The following BRINP2 variants were observed in gnomAD, a reference collection of about 807,000 sequenced individuals.
BRINP2 encodes the protein BMP/retinoic acid inducible neural specific 2.
A neutral mutation model predicts 69.2 loss-of-function variants in BRINP2; 21 were observed. That is an observed-to-expected ratio of 0.30 (90% confidence interval 0.22 to 0.44). BRINP2 has a LOEUF of 0.44. Ranked by LOEUF, BRINP2 falls within the 20% of genes least tolerant of loss-of-function variation. BRINP2 has a pLI of 1.00. For synonymous variants in BRINP2, 380 were observed against 394.1 expected, an observed-to-expected ratio of 0.96 and a Z score of 0.42; for missense variants, 877 against 986.0, an observed-to-expected ratio of 0.89 and a Z score of 1.48.
chr1:177,236,934 AC>A (rs1272894152), intron 2 of BRINP2, among the ~76,000 whole-genome samples: 4 of 151,480 alleles, frequency 2.6e-5, no homozygotes, highest in Non-Finnish European at 5.9e-5. Context: ...AAAAAAAAAA[AC>A]TCCCACCTGA....
At chr1:177,280,165 G>A (rs560127568) in intron 7 of BRINP2, among the ~76,000 whole-genome samples, 1 of 152,330 alleles carries the variant, frequency 6.6e-6, no homozygotes, top group African/African-American at 2.4e-5. Flanking sequence ...GGAGAGATGA[G>A]CCTTGTTGCT....
chr1:177,278,721 C>A lies in BRINP2; in HGVS notation c.1171C>A (p.Arg391Ser), dbSNP rs199558595. 1 of 1,614,196 alleles carries A rather than the reference C, an allele frequency of 6.2e-7. No homozygotes were observed. The highest frequency in any genetic ancestry group is 8.5e-7 in the Non-Finnish European group (1 of 1,180,054). Residue 391 changes from arginine to serine, a missense_variant, in exon 7 of 8, where the codon CGC (arginine) becomes AGC (serine). Physicochemically the swap from Arg to Ser is moderately radical, Grantham distance 110 (BLOSUM62 -1). Around this residue, in one of 3 missense-constraint regions of BRINP2, gnomAD observed 566 missense variants for 625.2 expected, o/e 0.91. Coordinates refer to ENST00000361539, the MANE Select transcript of BRINP2 (RefSeq NM_021165.4). ...VLFKKTHRILRRLFNLCKRCH... is the reference protein window; with the variant it reads ...VLFKKTHRILSRLFNLCKRCH... ...GTTCAAAAAGACCCATCGGATCCTACGCCGGCTCTTCAACCTCTGCAAGCG... is the reference window on the plus strand; with the variant it reads ...GTTCAAAAAGACCCATCGGATCCTAAGCCGGCTCTTCAACCTCTGCAAGCG...
intron 1 of BRINP2, among the ~76,000 whole-genome samples, chr1:177,180,555 G>T (rs1216364516): frequency 6.6e-6 from 1 of 152,136 alleles, no homozygotes; most frequent in African/African-American, 2.4e-5. Flanking sequence ...TATTCACAGT[G>T]GTTTTCATCT....
chr1:177,257,696 T>G (rs1650815050), intron 4 of BRINP2, among the ~76,000 whole-genome samples: 1 of 152,052 alleles, frequency 6.6e-6, no homozygotes, highest in African/African-American at 2.4e-5. Flanking sequence ...TAATGATAAA[T>G]AAAGACAAGA....
intron 2 of BRINP2, among the ~76,000 whole-genome samples, chr1:177,248,409 A>G (rs1650455424): frequency 6.6e-6 from 1 of 151,806 alleles, no homozygotes; most frequent in African/African-American, 2.4e-5. Flanking sequence ...CTGTACTTCT[A>G]GATTTCAGCT....
chr1:177,184,669 T>C (rs1333152378), intron 1 of BRINP2, among the ~76,000 whole-genome samples: 6 of 151,726 alleles, frequency 4.0e-5, no homozygotes, highest in East Asian at 3.9e-4. Flanking sequence ...ATCATTTTTT[T>C]CCCCAGATCC....
At chr1:177,277,998 G>A (rs971567508) in intron 6 of BRINP2, among the ~76,000 whole-genome samples, 5 of 152,178 alleles carry the variant, frequency 3.3e-5, no homozygotes, top group Admixed American at 1.3e-4. Context: ...AGCTGAAGCT[G>A]AAAAGAGAAG....
At chr1:177,239,832 T>C (rs956921461) in intron 2 of BRINP2, among the ~76,000 whole-genome samples, 3 of 152,166 alleles carry the variant, frequency 2.0e-5, no homozygotes, top group Admixed American at 2.0e-4. Context: ...TGTTATATGT[T>C]TTGGGGAAGA....
intron 7 of BRINP2, among the ~76,000 whole-genome samples, chr1:177,279,432 T>C (rs1174947466): frequency 6.6e-6 from 1 of 152,226 alleles, no homozygotes; most frequent in African/African-American, 2.4e-5. Context: ...AAACGGATAG[T>C]CTCCTAGAGG....
intron 1 of BRINP2, among the ~76,000 whole-genome samples, chr1:177,175,204 A>G (rs1648051803): frequency 6.6e-6 from 1 of 152,156 alleles, no homozygotes; most frequent in Non-Finnish European, 1.5e-5. Flanking sequence ...GCCCATGTAC[A>G]TAACCTCTTG....
At chr1:177,277,540 T>G (rs1651538982) in intron 6 of BRINP2, among the ~76,000 whole-genome samples, 1 of 150,896 alleles carries the variant, frequency 6.6e-6, no homozygotes, top group Non-Finnish European at 1.5e-5. Flanking sequence ...ATACTAGATG[T>G]TAGTGCCATT....
rs761670737 is a variant in BRINP2 at position 177,257,190 on chromosome 1, A to T, written c.475A>T (p.Thr159Ser). ...GTTCACCATAGGAGAAGAGTCCCTG[A>T]CCATTTTTGTGGACAAGCAGAAACT... ...SATLGGEESL[T>S]IFVDKQKLGR... The change falls in exon 4 of 8, where the codon ACC (threonine) becomes TCC (serine). Residue 159 changes from threonine (T) to serine (S), a missense_variant. Physicochemically the swap from Thr to Ser is moderately conservative, Grantham distance 58 (BLOSUM62 1). Transcript: ENST00000361539. The T allele has an allele frequency of 7.4e-6, 12 of 1,614,054 alleles. No individual in the cohort carries two copies. The highest frequency in any genetic ancestry group is 1.0e-5 in the Non-Finnish European group (12 of 1,180,034).
At chr1:177,247,226 CT>C (rs1227653278) in intron 2 of BRINP2, among the ~76,000 whole-genome samples, 1 of 152,200 alleles carries the variant, frequency 6.6e-6, no homozygotes, top group Admixed American at 6.5e-5. Context: ...GTCTGAAATT[CT>C]TTAGGAAAAT....
At chr1:177,204,374 G>T (rs561419959) in intron 1 of BRINP2, among the ~76,000 whole-genome samples, 1 of 152,162 alleles carries the variant, frequency 6.6e-6, no homozygotes, top group African/African-American at 2.4e-5. Context: ...TCACCAGGGG[G>T]TAAAGTATAC....
intron 1 of BRINP2, among the ~76,000 whole-genome samples, chr1:177,220,160 A>G (rs1335279453): frequency 2.0e-5 from 3 of 152,200 alleles, no homozygotes; most frequent in African/African-American, 7.2e-5. Flanking sequence ...GAAGCAGGTA[A>G]AAGGGCAGGA....
chr1:177,225,608 T>C (rs2102322111), intron 1 of BRINP2, among the ~76,000 whole-genome samples: 1 of 152,290 alleles, frequency 6.6e-6, no homozygotes, highest in African/African-American at 2.4e-5. Flanking sequence ...AAAATTTGCT[T>C]GACAGGTTGC....
chr1:177,264,712 A>G (rs535648755), intron 4 of BRINP2, among the ~76,000 whole-genome samples: 2 of 152,346 alleles, frequency 1.3e-5, no homozygotes, highest in South Asian at 4.1e-4. Flanking sequence ...CAATTTCTAC[A>G]AAGAGAATAA....
chr1:177,241,883 C>T (rs551395745), intron 2 of BRINP2, among the ~76,000 whole-genome samples: 3 of 152,294 alleles, frequency 2.0e-5, no homozygotes, highest in African/African-American at 2.4e-5. Flanking sequence ...CTTCGAGGAA[C>T]GTTGGAAATG....
intron 1 of BRINP2, among the ~76,000 whole-genome samples, chr1:177,199,881 C>A (rs902454316): frequency 6.6e-6 from 1 of 152,150 alleles, no homozygotes; most frequent in Non-Finnish European, 1.5e-5. Flanking sequence ...GAGAATCTGA[C>A]CACTTTGCAC....
Sources: gnomAD v4.1 joint callset for allele counts (sites outside exome capture counted in the v4.1 genomes callset) on GRCh38, gnomAD v4.1.1 for gene constraint, gnomAD v4.1.1 regional missense constraint, MANE v1.5 for transcripts, NCBI Gene and HGNC (gene_info 2026-07-23, HGNC 2026-07-21) for gene names.